HS3ST3B1: variants seen among roughly 807,000 people sequenced by gnomAD.
The protein encoded by HS3ST3B1 is heparan sulfate-glucosamine 3-sulfotransferase 3B1.
In HS3ST3B1, 13 loss-of-function variants were observed where a neutral mutation model predicts 21.3. The observed-to-expected ratio is 0.61, with a 90% confidence interval of 0.40 to 0.97. The LOEUF (loss-of-function observed/expected upper bound fraction) is 0.97, where lower values mean the gene tolerates loss of function less well. HS3ST3B1 is among the 50% of genes least tolerant of loss of function. HS3ST3B1 has a pLI of 0.00. For missense variants in HS3ST3B1, 459 were observed against 554.8 expected (o/e 0.83, Z 1.73); for synonymous variants, 234 against 254.8 (o/e 0.92, Z 0.78).
intron 1 of HS3ST3B1, among the ~76,000 whole-genome samples, chr17:14,319,326 G>A (rs1408227647): frequency 4.6e-5 from 7 of 152,160 alleles, no homozygotes; most frequent in Non-Finnish European, 7.3e-5. Flanking sequence ...GTATTGAGAG[G>A]ACAGGCACCG....
intron 1 of HS3ST3B1, among the ~76,000 whole-genome samples, chr17:14,335,055 A>C (rs554620867): frequency 5.2e-4 from 79 of 152,302 alleles, no homozygotes; most frequent in Non-Finnish European, 8.8e-4. Flanking sequence ...CTGGAAGGTA[A>C]TGCAGATGTG....
At chr17:14,333,764 A>G (rs1910096685) in intron 1 of HS3ST3B1, among the ~76,000 whole-genome samples, 1 of 152,136 alleles carries the variant, frequency 6.6e-6, no homozygotes, top group Non-Finnish European at 1.5e-5. Context: ...GGGTGACCCA[A>G]CATCACCTGG....
intron 1 of HS3ST3B1, among the ~76,000 whole-genome samples, chr17:14,332,393 C>T (rs1040995305): frequency 4.0e-5 from 6 of 151,710 alleles, no homozygotes; most frequent in Non-Finnish European, 8.8e-5. Flanking sequence ...ACCAGATGCC[C>T]TCCCCCCATA....
intron 1 of HS3ST3B1, among the ~76,000 whole-genome samples, chr17:14,333,190 G>C (rs1910075148): frequency 6.6e-6 from 1 of 152,020 alleles, no homozygotes; most frequent in Non-Finnish European, 1.5e-5. Flanking sequence ...ATTTTAGGCC[G>C]GGCACGGTGG....
chr17:14,320,304 T>C (rs952613472), intron 1 of HS3ST3B1, among the ~76,000 whole-genome samples: 8 of 151,710 alleles, frequency 5.3e-5, no homozygotes, highest in African/African-American at 1.9e-4. Flanking sequence ...AGGGAGGAGG[T>C]GACATGGGAG....
At chr17:14,305,014 C>T (rs1190022865) in intron 1 of HS3ST3B1, 1 of 152,202 alleles carries the variant, frequency 6.6e-6, no homozygotes, top group Non-Finnish European at 1.5e-5. Context: ...GATTGCTCTT[C>T]CTTCCACTTG....
chr17:14,333,572 G>A (rs934666002), intron 1 of HS3ST3B1, among the ~76,000 whole-genome samples: 1 of 152,070 alleles, frequency 6.6e-6, no homozygotes, highest in Non-Finnish European at 1.5e-5. Flanking sequence ...ATAGACAAGT[G>A]GGGATTTATA....
rs996110571 is a variant in HS3ST3B1 at position 14,302,010 on chromosome 17, C to T, written c.492C>T (p.Arg164=). The change falls in exon 1 of 2, where the codon CGC becomes CGT. Residue 164 remains arginine (R), a synonymous_variant. Transcript: ENST00000360954. ...TTCTGCGCGTGCACCCCGACGTGCGCGCCGTGGGCGCCGAGCCCCATTTCT... is the reference window on the plus strand; with the variant it reads ...TTCTGCGCGTGCACCCCGACGTGCGTGCCGTGGGCGCCGAGCCCCATTTCT... ...LEFLRVHPDV[R]AVGAEPHFFD... 6.2e-7 allele frequency: 1 copy of T among 1,608,626 alleles called. No individual in the cohort carries two copies. The highest frequency in any genetic ancestry group is 8.5e-7 in the Non-Finnish European group (1 of 1,179,086).
At position 14,302,083 on chromosome 17, in the gene HS3ST3B1, C is replaced by T. The variant is rs1242935747; in HGVS notation, c.554+11C>T. The T allele has an allele frequency of 1.9e-6, 3 of 1,587,160 alleles. No homozygotes were observed. The East Asian group carries it at 6.8e-5, about 36-fold the overall frequency. On this transcript the variant is annotated intron_variant, in intron 1 of 1. Coordinates refer to ENST00000360954, the MANE Select transcript of HS3ST3B1 (RefSeq NM_006041.3). Reference sequence around the variant, plus strand: ...CCTCGCTTGGTACCGGTGAGTTTCCCTGCCAGGGGCAGGGTCTCCATCGTC... The same window carrying T: ...CCTCGCTTGGTACCGGTGAGTTTCCTTGCCAGGGGCAGGGTCTCCATCGTC...
rs573626696 is a variant in HS3ST3B1, at chr17:14,344,202, G to GT, written c.555-819dup. ...GGCGTGAGCCACTGTGCCCAGCCTG[G>GT]TTTTTTTATTATTATTATCGTTGTT... On this transcript the variant is annotated intron_variant, in intron 1 of 1. Coordinates refer to ENST00000360954, the MANE Select transcript of HS3ST3B1 (RefSeq NM_006041.3). 1.7e-3 allele frequency among the ~76,000 whole-genome samples: 256 copies of GT among 152,208 alleles called. 1 individual carries two copies. The highest frequency in any genetic ancestry group is 4.7e-3 in the African/African-American group (197 of 41,536).
At chr17:14,332,769 G>T (rs1284430497) in intron 1 of HS3ST3B1, among the ~76,000 whole-genome samples, 1 of 151,338 alleles carries the variant, frequency 6.6e-6, no homozygotes, top group Non-Finnish European at 1.5e-5. Flanking sequence ...GCACGGTGAG[G>T]GTACAGAGCA....
chr17:14,322,035 A>G lies in HS3ST3B1; in HGVS notation c.554+19963A>G, dbSNP rs549721864. Among the ~76,000 whole-genome samples the G allele has an allele frequency of 5.9e-5, 9 of 151,782 alleles. No individual in the cohort carries two copies. In the South Asian group the frequency reaches 1.7e-3, roughly 28 times the overall value. Reference sequence around the variant, plus strand: ...TGCTGTTTATTTCATTATAATTTATAGGCCCTATAATTCCAAAAAATTAAT... The same window carrying G: ...TGCTGTTTATTTCATTATAATTTATGGGCCCTATAATTCCAAAAAATTAAT... On this transcript the variant is annotated intron_variant, in intron 1 of 1. Transcript: ENST00000360954.
At chr17:14,333,111 G>C (rs950212012) in intron 1 of HS3ST3B1, among the ~76,000 whole-genome samples, 1 of 151,986 alleles carries the variant, frequency 6.6e-6, no homozygotes, top group Non-Finnish European at 1.5e-5. Flanking sequence ...TCGTAGGAAA[G>C]AAACTAAAGA....
In HS3ST3B1 at chr17:14,310,542, G is replaced by A. The variant is rs916861167; in HGVS notation, c.554+8470G>A. 2.6e-5 allele frequency among the ~76,000 whole-genome samples: 4 copies of A among 152,224 alleles called. 1 individual carries two copies. Among genetic ancestry groups the A allele is most frequent in the East Asian group, 1.9e-4 (1 of 5,194 alleles). On this transcript the variant is annotated intron_variant, in intron 1 of 1. Coordinates refer to ENST00000360954, the MANE Select transcript of HS3ST3B1 (RefSeq NM_006041.3). ...AAGTGCACATAAGACGTTGAACATC[G>A]TTGCATGAGATGTTGAAGAAGTACA...
intron 1 of HS3ST3B1, among the ~76,000 whole-genome samples, chr17:14,340,771 C>T (rs1178069598): frequency 4.6e-5 from 7 of 152,012 alleles, no homozygotes; most frequent in African/African-American, 7.2e-5. Flanking sequence ...TTAGGAGAGA[C>T]GAGGTTTCAC....
chr17:14,324,518 A>T (rs965124354), intron 1 of HS3ST3B1, among the ~76,000 whole-genome samples: 2 of 152,122 alleles, frequency 1.3e-5, no homozygotes, highest in African/African-American at 4.8e-5. Context: ...CCTGAGTAGC[A>T]AAATGTTTAG....
chr17:14,307,086 T>G (rs1465904725), intron 1 of HS3ST3B1, among the ~76,000 whole-genome samples: 1 of 152,226 alleles, frequency 6.6e-6, no homozygotes, highest in East Asian at 1.9e-4. Flanking sequence ...AGCAACCCAT[T>G]TGTTTTAGAT....
intron 1 of HS3ST3B1, among the ~76,000 whole-genome samples, chr17:14,339,323 A>G (rs1036873916): frequency 2.6e-5 from 4 of 152,200 alleles, no homozygotes; most frequent in Admixed American, 2.6e-4. Context: ...TTGAACAATT[A>G]TGATCGGCAG....
Position 14,301,921 on chromosome 17 carries a change from A to C in HS3ST3B1, c.403A>C (p.Lys135Gln). The change falls in exon 1 of 2, where the codon AAG becomes CAG. Residue 135 changes from lysine to glutamine, a missense_variant. Lys to Gln is a moderately conservative substitution (Grantham distance 53). Transcript: ENST00000360954. The stretch of plus-strand genomic sequence containing the variant: ...CAGCTTTTTCAGTGGGTCTGGGAGC[A>C]AGCAGCTGCCGCAGGCCATCATCAT... Reference protein sequence around the residue: ...ISSFFSGSGSKQLPQAIIIGV... With the variant: ...ISSFFSGSGSQQLPQAIIIGV... The C allele has an allele frequency of 6.2e-7, 1 of 1,609,544 alleles. No individual in the cohort carries two copies. Among genetic ancestry groups the C allele is most frequent in the Non-Finnish European group, 8.5e-7 (1 of 1,178,654 alleles).
Sources: gnomAD v4.1 joint callset for allele counts (sites outside exome capture counted in the v4.1 genomes callset) on GRCh38, gnomAD v4.1.1 for gene constraint, MANE v1.5 for transcripts, NCBI Gene and HGNC (gene_info 2026-07-23, HGNC 2026-07-21) for gene names.